ASCC3: variants seen among roughly 807,000 people sequenced by gnomAD.
ASCC3 encodes the protein ASC-1 complex subunit P200.
Under a neutral mutation model 256.3 loss-of-function variants are expected in ASCC3, and 158 were observed. The observed-to-expected ratio is 0.62, with a 90% CI of 0.54 to 0.70. The LOEUF (loss-of-function observed/expected upper bound fraction) is 0.70. Among genes scored for constraint, ASCC3 ranks in the 30% least tolerant of loss-of-function variants. The pLI, the probability that ASCC3 is intolerant of heterozygous loss-of-function variation, is 0.00. For missense variants in ASCC3, 2,259 were observed against 2,626.0 expected (o/e 0.86, Z 3.05); for synonymous variants, 948 against 883.4 (o/e 1.07, Z -1.30).
chr6:100,705,286 AAGTACACG>A (rs1778526296), intron 13 of ASCC3, among the ~76,000 whole-genome samples: 1 of 152,096 alleles, frequency 6.6e-6, no homozygotes, highest in African/African-American at 2.4e-5. Context: ...AAAATCTATT[AAGTACACG>A]AGCACGCAAG....
intron 36 of ASCC3, among the ~76,000 whole-genome samples, chr6:100,584,929 G>T (rs1481598670): frequency 6.6e-6 from 1 of 152,182 alleles, no homozygotes; most frequent in Non-Finnish European, 1.5e-5. Flanking sequence ...CTAGCTTGTA[G>T]AGTTTCTGCC....
chr6:100,840,135 T>G (rs1772066210), intron 4 of ASCC3, among the ~76,000 whole-genome samples: 1 of 152,070 alleles, frequency 6.6e-6, no homozygotes, highest in Non-Finnish European at 1.5e-5. Context: ...TGGGAGAAAA[T>G]GGGCATATCA....
intron 29 of ASCC3, among the ~76,000 whole-genome samples, chr6:100,627,086 T>C (rs1379881747): frequency 1.3e-5 from 2 of 152,170 alleles, no homozygotes; most frequent in Non-Finnish European, 1.5e-5. Flanking sequence ...TTAATTGATA[T>C]AATAAATATT....
intron 8 of ASCC3, among the ~76,000 whole-genome samples, chr6:100,787,463 C>T (rs1769140637): frequency 1.3e-5 from 2 of 151,960 alleles, no homozygotes; most frequent in South Asian, 4.1e-4. Flanking sequence ...AAATCCTCAT[C>T]AAATAATCTA....
At chr6:100,571,152 C>A (rs1422315740) in intron 36 of ASCC3, among the ~76,000 whole-genome samples, 1 of 152,174 alleles carries the variant, frequency 6.6e-6, no homozygotes, top group Admixed American at 6.5e-5. Flanking sequence ...TCAGTGTACA[C>A]TCCACTTCAA....
chr6:100,513,278 G>A (rs556451794), intron 39 of ASCC3, among the ~76,000 whole-genome samples: 1 of 152,276 alleles, frequency 6.6e-6, no homozygotes, highest in East Asian at 1.9e-4. Flanking sequence ...AACTAAAAGA[G>A]GGCTTATCAT....
chr6:100,712,780 C>T (rs13201267), intron 13 of ASCC3, among the ~76,000 whole-genome samples: 45,654 of 114,566 alleles, frequency 0.4, 9,355 homozygotes, highest in Middle Eastern at 0.62. Context: ...TTTTTTGAGA[C>T]GGAGTCTTGC....
chr6:100,601,394 T>G (rs1391994842), intron 34 of ASCC3, among the ~76,000 whole-genome samples: 2 of 152,026 alleles, frequency 1.3e-5, no homozygotes, highest in Non-Finnish European at 2.9e-5. Context: ...CACCTCAATT[T>G]TATTTTCTCT....
chr6:100,749,783 T>C (rs1325196153), intron 10 of ASCC3, among the ~76,000 whole-genome samples: 1 of 151,816 alleles, frequency 6.6e-6, no homozygotes, highest in Admixed American at 6.6e-5. Flanking sequence ...TAGAAAACTA[T>C]TTATGAGTAT....
chr6:100,829,202 C>T (rs1771490605), intron 4 of ASCC3, among the ~76,000 whole-genome samples: 1 of 152,186 alleles, frequency 6.6e-6, no homozygotes, highest in Non-Finnish European at 1.5e-5. Context: ...GCAGGTGGAG[C>T]TGCCTGCCAG....
chr6:100,635,178 G>T (rs1240489136), intron 25 of ASCC3, among the ~76,000 whole-genome samples: 1 of 151,726 alleles, frequency 6.6e-6, no homozygotes, highest in Non-Finnish European at 1.5e-5. Context: ...TAAAGAAATT[G>T]TAATATATAT....
chr6:100,772,249 A>T (rs554850875), intron 8 of ASCC3, among the ~76,000 whole-genome samples: 1 of 152,298 alleles, frequency 6.6e-6, no homozygotes, highest in South Asian at 2.1e-4. Context: ...CTTTAATAAA[A>T]CAATCTAGCA....
intron 10 of ASCC3, among the ~76,000 whole-genome samples, chr6:100,735,474 C>T (rs912320157): frequency 6.7e-6 from 1 of 149,876 alleles, no homozygotes; most frequent in Admixed American, 6.6e-5. Flanking sequence ...TTTTTTGAAA[C>T]TTTGCATTTT....
At chr6:100,792,981 A>T (rs12209756) in intron 8 of ASCC3, among the ~76,000 whole-genome samples, 1 of 151,888 alleles carries the variant, frequency 6.6e-6, no homozygotes, top group Non-Finnish European at 1.5e-5. Flanking sequence ...GAAATAAATT[A>T]TTTTTATGTT....
intron 8 of ASCC3, among the ~76,000 whole-genome samples, chr6:100,793,989 T>C (rs1267879097): frequency 6.6e-6 from 1 of 152,086 alleles, no homozygotes; most frequent in African/African-American, 2.4e-5. Flanking sequence ...AATTCTTCTC[T>C]CTGCCTCATC....
intron 16 of ASCC3, among the ~76,000 whole-genome samples, chr6:100,656,456 C>G (rs1387115664): frequency 6.6e-6 from 1 of 151,548 alleles, no homozygotes; most frequent in Non-Finnish European, 1.5e-5. Context: ...TGTACAAGAA[C>G]AGGGAGTGGT....
chr6:100,536,022 C>T (rs891365097), intron 37 of ASCC3, among the ~76,000 whole-genome samples: 5 of 151,932 alleles, frequency 3.3e-5, no homozygotes, highest in Non-Finnish European at 7.4e-5. Flanking sequence ...TATAAAATAA[C>T]AGAAGATATT....
intron 13 of ASCC3, among the ~76,000 whole-genome samples, chr6:100,702,787 A>G (rs958956322): frequency 1.3e-5 from 2 of 152,152 alleles, no homozygotes; most frequent in African/African-American, 4.8e-5. Flanking sequence ...TGATTATTTT[A>G]TTCACAATTG....
chr6:100,678,846 G>A (rs1777152302), intron 14 of ASCC3, among the ~76,000 whole-genome samples: 1 of 152,124 alleles, frequency 6.6e-6, no homozygotes, highest in Non-Finnish European at 1.5e-5. Flanking sequence ...AAACTGGTAT[G>A]TTTATGTTCT....
Sources: gnomAD v4.1 joint callset for allele counts (sites outside exome capture counted in the v4.1 genomes callset) on GRCh38, gnomAD v4.1.1 for gene constraint, MANE v1.5 for transcripts, NCBI Gene and HGNC (gene_info 2026-07-23, HGNC 2026-07-21) for gene names.